Variants in ATG5 observed in about 807,000 individuals in gnomAD.
ATG5 encodes the protein autophagy related 5.
A neutral mutation model predicts 36.5 loss-of-function variants in ATG5; 14 were observed. The observed-to-expected ratio is 0.38, with a 90% CI of 0.25 to 0.60. The LOEUF (loss-of-function observed/expected upper bound fraction) is 0.60. ATG5 is among the 20% of genes least tolerant of loss of function. The pLI, the probability that ATG5 is intolerant of heterozygous loss-of-function variation, is 0.60. For missense variants in ATG5, 195 were observed against 326.7 expected (o/e 0.60, Z 3.11); for synonymous variants, 95 against 101.5 (o/e 0.94, Z 0.38).
chr6:106,232,024 A>G (rs1208034843), intron 6 of ATG5, among the ~76,000 whole-genome samples: 1 of 152,224 alleles, frequency 6.6e-6, no homozygotes, highest in African/African-American at 2.4e-5. Context: ...ACCTCGTGTC[A>G]AGGGAATCAC....
chr6:106,275,644 G>A (rs1453238978), intron 5 of ATG5, among the ~76,000 whole-genome samples: 2 of 152,040 alleles, frequency 1.3e-5, no homozygotes, highest in Non-Finnish European at 2.9e-5. Context: ...GAAACAATAT[G>A]AGCCAAGGCA....
intron 6 of ATG5, among the ~76,000 whole-genome samples, chr6:106,234,757 G>A (rs1365843199): frequency 1.3e-5 from 2 of 152,196 alleles, no homozygotes; most frequent in Non-Finnish European, 2.9e-5. Flanking sequence ...AGGAGTGCTA[G>A]GTGGACTAGG....
At chr6:106,236,025 C>A (rs1777890647) in intron 6 of ATG5, among the ~76,000 whole-genome samples, 2 of 152,166 alleles carry the variant, frequency 1.3e-5, no homozygotes, top group Admixed American at 1.3e-4. Flanking sequence ...AGACCTTGGC[C>A]TCAGAAGAAT....
chr6:106,236,349 G>A (rs1405297534), intron 6 of ATG5, among the ~76,000 whole-genome samples: 1 of 152,136 alleles, frequency 6.6e-6, no homozygotes, highest in African/African-American at 2.4e-5. Flanking sequence ...GAGTGGAGCT[G>A]TTAGAACTGT....
intron 7 of ATG5, among the ~76,000 whole-genome samples, chr6:106,200,598 C>T (rs1207270108): frequency 6.6e-6 from 1 of 152,012 alleles, no homozygotes; most frequent in African/African-American, 2.4e-5. Flanking sequence ...CCTCAGCCTC[C>T]CAAGTAGCTG....
intron 7 of ATG5, among the ~76,000 whole-genome samples, chr6:106,196,190 ATAT>A (rs1445659161): frequency 2.6e-5 from 4 of 152,232 alleles, no homozygotes; most frequent in African/African-American, 9.6e-5. Flanking sequence ...CATATCAGAA[ATAT>A]TATTAAGAGA....
chr6:106,234,580 C>T (rs1052311834), intron 6 of ATG5, among the ~76,000 whole-genome samples: 3 of 152,190 alleles, frequency 2.0e-5, no homozygotes, highest in African/African-American at 7.2e-5. Context: ...TATTTTTTGT[C>T]TGTGGTACCT....
chr6:106,303,039 TAA>T (rs911687945), intron 3 of ATG5, among the ~76,000 whole-genome samples: 1 of 151,696 alleles, frequency 6.6e-6, no homozygotes, highest in Non-Finnish European at 1.5e-5. Flanking sequence ...AAAAATAACC[TAA>T]GTCCCTTTTC....
intron 7 of ATG5, among the ~76,000 whole-genome samples, chr6:106,192,958 C>T (rs1776025049): frequency 6.6e-6 from 1 of 152,158 alleles, no homozygotes; most frequent in Non-Finnish European, 1.5e-5. Flanking sequence ...AGGATTTTGT[C>T]TCAGCCACGG....
chr6:106,241,128 A>G (rs1778107656), intron 6 of ATG5, among the ~76,000 whole-genome samples: 1 of 152,208 alleles, frequency 6.6e-6, no homozygotes, highest in Non-Finnish European at 1.5e-5. Context: ...ATTCCAGTCC[A>G]GGTGACAGAA....
chr6:106,242,182 G>A (rs1264424016), intron 6 of ATG5, among the ~76,000 whole-genome samples: 1 of 152,008 alleles, frequency 6.6e-6, no homozygotes, highest in African/African-American at 2.4e-5. Context: ...GTTTCACCAT[G>A]TTGTCAAGGC....
intron 5 of ATG5, among the ~76,000 whole-genome samples, chr6:106,261,838 A>T (rs1412785864): frequency 6.6e-6 from 1 of 152,120 alleles, no homozygotes; most frequent in East Asian, 1.9e-4. Flanking sequence ...TTACCGGGGG[A>T]GCGGGCAGTG....
chr6:106,208,739 C>G (rs180918559), intron 6 of ATG5, among the ~76,000 whole-genome samples: 1 of 152,170 alleles, frequency 6.6e-6, no homozygotes, highest in African/African-American at 2.4e-5. Context: ...AAACATAAGC[C>G]GCAGGCTGGG....
Position 106,237,232 on chromosome 6 carries a change from C to A in ATG5, c.573+10918G>T, listed in dbSNP as rs571317606. 2.1e-3 allele frequency among the ~76,000 whole-genome samples: 321 copies of A among 152,094 alleles called. 2 individuals are homozygous for A. The highest frequency in any genetic ancestry group is 3.3e-3 in the Non-Finnish European group (226 of 67,952). On this transcript the variant is annotated intron_variant, in intron 6 of 7. Transcript: ENST00000369076. ...AATTTTAAATAAAAGCAAAACTAAA[C>A]CCAATAAGAGGAAAGAAAGTTGGGC...
intron 5 of ATG5, among the ~76,000 whole-genome samples, chr6:106,278,471 A>G (rs931338506): frequency 6.6e-6 from 1 of 152,160 alleles, no homozygotes; most frequent in East Asian, 1.9e-4. Context: ...CCTTTGGGAC[A>G]TCTTCATCCT....
intron 7 of ATG5, among the ~76,000 whole-genome samples, chr6:106,194,545 CTT>C (rs3216460): frequency 7.2e-6 from 1 of 138,934 alleles, no homozygotes. Context: ...TTTTCTTTTT[CTT>C]TTTTTTTTGA....
intron 3 of ATG5, among the ~76,000 whole-genome samples, chr6:106,294,784 A>G (rs1582665464): frequency 6.7e-6 from 1 of 149,922 alleles, no homozygotes; most frequent in African/African-American, 2.5e-5. Context: ...CAGAGGCTGC[A>G]GTGAGCCAAG....
At position 106,239,013 on chromosome 6, in the gene ATG5, T is replaced by G. The variant is rs1016328758; in HGVS notation, c.573+9137A>C. The stretch of plus-strand genomic sequence containing the variant: ...ACGCTAGAAGGAAATCACTTAGATC[T>G]GATAAAGACTAGGCTATAATTCTAA... On this transcript the variant is annotated intron_variant, in intron 6 of 7. Transcript: ENST00000369076. 4.6e-5 allele frequency among the ~76,000 whole-genome samples: 7 copies of G among 152,192 alleles called. No individual in the cohort carries two copies. The South Asian group carries it at 1.2e-3, about 27-fold the overall frequency.
chr6:106,298,066 G>A (rs1233315433), intron 3 of ATG5, among the ~76,000 whole-genome samples: 1 of 151,082 alleles, frequency 6.6e-6, no homozygotes, highest in Admixed American at 6.6e-5. Context: ...CCAGGTTCAA[G>A]CGATTCTCCT....
Sources: gnomAD v4.1 joint callset for allele counts (sites outside exome capture counted in the v4.1 genomes callset) on GRCh38, gnomAD v4.1.1 for gene constraint, MANE v1.5 for transcripts, NCBI Gene and HGNC (gene_info 2026-07-23, HGNC 2026-07-21) for gene names.